The following PBX1 variants were observed in gnomAD, a reference collection of about 807,000 sequenced individuals.
The protein encoded by PBX1 is pre-B-cell leukemia transcription factor 1.
In PBX1, 6 loss-of-function variants were observed where a neutral mutation model predicts 53.4. That is an observed-to-expected ratio of 0.11 (90% CI 0.06 to 0.22). PBX1 has a LOEUF of 0.22. Among genes scored for constraint, PBX1 ranks in the 10% least tolerant of loss-of-function variants. PBX1 has a pLI of 1.00. For synonymous variants in PBX1, 204 were observed against 212.3 expected, an observed-to-expected ratio of 0.96 and a Z score of 0.34; for missense variants, 251 against 551.4, an observed-to-expected ratio of 0.46 and a Z score of 5.46.
At chr1:164,674,324 C>A (rs1661297786) in intron 2 of PBX1, among the ~76,000 whole-genome samples, 1 of 152,172 alleles carries the variant, frequency 6.6e-6, no homozygotes, top group Non-Finnish European at 1.5e-5. Flanking sequence ...GCCATAGTGT[C>A]TTTGTGTTTT....
chr1:164,619,798 A>AG (rs1657548001), intron 2 of PBX1, among the ~76,000 whole-genome samples: 1 of 152,184 alleles, frequency 6.6e-6, no homozygotes, highest in Non-Finnish European at 1.5e-5. Context: ...ATCCAGAAGT[A>AG]GGGCTGGAAG....
At chr1:164,620,053 C>T (rs528268495) in intron 2 of PBX1, among the ~76,000 whole-genome samples, 14 of 152,016 alleles carry the variant, frequency 9.2e-5, no homozygotes, top group African/African-American at 2.7e-4. Flanking sequence ...ATTAGCCAGG[C>T]GTGGTAGCAC....
At chr1:164,674,905 A>G (rs566157092) in intron 2 of PBX1, 6 of 127,464 alleles carry the variant, frequency 4.7e-5, no homozygotes, top group Admixed American at 3.1e-4. Context: ...GAATGATGTT[A>G]TGATTTTATG....
Position 164,627,629 on chromosome 1 carries a change from T to C in PBX1, c.265+64318T>C, listed in dbSNP as rs114065926. On this transcript the variant is annotated intron_variant, in intron 2 of 8. Coordinates refer to ENST00000420696, the MANE Select transcript of PBX1 (RefSeq NM_002585.4). ...AAGCCAATGTGATGGAGGAGATGTT[T>C]TGGGGAAGCTAGACTAGGCTGTTCA... 4.3e-3 allele frequency among the ~76,000 whole-genome samples: 649 copies of C among 152,292 alleles called. 2 individuals carry two copies. The highest frequency in any genetic ancestry group is 0.015 in the African/African-American group (625 of 41,548).
chr1:164,668,862 G>A (rs1660963343), intron 2 of PBX1, among the ~76,000 whole-genome samples: 1 of 152,142 alleles, frequency 6.6e-6, no homozygotes, highest in Non-Finnish European at 1.5e-5. Context: ...CGGAATCTGC[G>A]GAGTAATATA....
chr1:164,612,847 G>T (rs2101830599), intron 2 of PBX1, among the ~76,000 whole-genome samples: 1 of 152,270 alleles, frequency 6.6e-6, no homozygotes, highest in Non-Finnish European at 1.5e-5. Flanking sequence ...ATAGTATCCA[G>T]CTTGGCTTTC....
chr1:164,820,173 G>T lies in PBX1; in HGVS notation c.1099G>T (p.Val367Leu). The change falls in exon 7 of 9, where the codon GTG (valine) becomes TTG (leucine). Residue 367 changes from valine (V) to leucine (L), a missense_variant. Physicochemically the swap from Val to Leu is conservative, Grantham distance 32. This residue lies in a region of PBX1 where 92 missense variants were observed against 130.4 expected (regional missense o/e 0.71). Coordinates refer to ENST00000420696, the MANE Select transcript of PBX1 (RefSeq NM_002585.4). Reference protein sequence around the residue: ...SYQGAQVGANVQSQVDTLRHV... With the variant: ...SYQGAQVGANLQSQVDTLRHV... ...CCAAGGGGCCCAGGTTGGAGCCAACGTGCAATCACAGGTAGGGACCCAGCC... is the reference window on the plus strand; with the variant it reads ...CCAAGGGGCCCAGGTTGGAGCCAACTTGCAATCACAGGTAGGGACCCAGCC... The T allele has an allele frequency of 6.2e-7, 1 of 1,606,016 alleles. No individual in the cohort carries two copies. Among genetic ancestry groups the T allele is most frequent in the Non-Finnish European group, 8.5e-7 (1 of 1,172,740 alleles).
At chr1:164,858,447 G>GCACACACACA (rs4035257) in intron 2 of PBX1, among the ~76,000 whole-genome samples, 2 of 148,530 alleles carry the variant, frequency 1.3e-5, no homozygotes, top group African/African-American at 5.0e-5. Flanking sequence ...CCCAGAGCCA[G>GCACACACACA]CACACACACA....
chr1:164,656,813 T>C (rs1373009543), intron 2 of PBX1, among the ~76,000 whole-genome samples: 1 of 152,128 alleles, frequency 6.6e-6, no homozygotes, highest in Non-Finnish European at 1.5e-5. Context: ...TCTTATGTTA[T>C]ATAAATGATA....
intron 6 of PBX1, chr1:164,812,601 TTACTC>T (rs1338779885): frequency 1.3e-5 from 2 of 153,106 alleles, no homozygotes; most frequent in African/African-American, 4.8e-5. Context: ...GCAGAAATAT[TTACTC>T]TTCTAGCAAA....
chr1:164,635,097 T>TGTGAGG (rs1658668867), intron 2 of PBX1, among the ~76,000 whole-genome samples: 1 of 97,446 alleles, frequency 1.0e-5, no homozygotes, highest in Non-Finnish European at 2.0e-5. Context: ...AGGGGTTTAT[T>TGTGAGG]GTGAGGGTGG....
intron 2 of PBX1, chr1:164,769,763 A>C (rs532095833): frequency 6.6e-6 from 1 of 152,334 alleles, no homozygotes; most frequent in Non-Finnish European, 1.5e-5. Context: ...ACTTGCCCTC[A>C]TGCCCTTACT....
At chr1:164,803,445 A>G (rs1437848243) in intron 4 of PBX1, among the ~76,000 whole-genome samples, 2 of 152,240 alleles carry the variant, frequency 1.3e-5, no homozygotes, top group Non-Finnish European at 1.5e-5. Flanking sequence ...AGTGCTTACT[A>G]TATGCGTGAG....
chr1:164,693,426 C>T (rs574363479), intron 2 of PBX1, among the ~76,000 whole-genome samples: 2 of 152,284 alleles, frequency 1.3e-5, no homozygotes, highest in Admixed American at 1.3e-4. Context: ...TAGGACAGTG[C>T]GACTTACGTT....
chr1:164,788,390 T>G (rs937724110), intron 2 of PBX1, among the ~76,000 whole-genome samples: 2 of 151,464 alleles, frequency 1.3e-5, no homozygotes, highest in African/African-American at 2.4e-5. Context: ...GTTGGTGTTT[T>G]TTTTTTTTTT....
At chr1:164,853,261 T>G (rs1033561025), downstream of PBX1, among the ~76,000 whole-genome samples, 1 of 151,998 alleles carries the variant, frequency 6.6e-6, no homozygotes, top group African/African-American at 2.4e-5. Flanking sequence ...AATGCAAGGG[T>G]TAGGGGTAGG....
intron 2 of PBX1, among the ~76,000 whole-genome samples, chr1:164,654,483 G>A (rs1035610162): frequency 6.6e-6 from 1 of 151,412 alleles, no homozygotes; most frequent in African/African-American, 2.4e-5. Flanking sequence ...CAGCTGGGTT[G>A]AACACATTTG....
chr1:164,646,526 T>C (rs533331010), intron 2 of PBX1, among the ~76,000 whole-genome samples: 1 of 152,244 alleles, frequency 6.6e-6, no homozygotes, highest in East Asian at 1.9e-4. Flanking sequence ...TGGGGAGATA[T>C]GGCCAAACCG....
chr1:164,880,069 G>T (rs999818890), intron 2 of PBX1, among the ~76,000 whole-genome samples: 2 of 152,164 alleles, frequency 1.3e-5, no homozygotes, highest in Non-Finnish European at 2.9e-5. Flanking sequence ...GATGGAGAGG[G>T]TTAAGACATT....
Sources: allele counts gnomAD v4.1 joint callset (sites outside exome capture counted in the v4.1 genomes callset), GRCh38; gene constraint gnomAD v4.1.1; regional missense constraint gnomAD v4.1.1; transcripts MANE v1.5; gene names NCBI Gene and HGNC (gene_info 2026-07-23, HGNC 2026-07-21).